CAPN2: variants seen among roughly 807,000 people sequenced by gnomAD.
CAPN2 encodes calpain 2.
Under a neutral mutation model 102.3 loss-of-function variants are expected in CAPN2, and 92 were observed. The ratio of observed to expected loss-of-function variants is 0.90; its 90% CI spans 0.76 to 1.07. The LOEUF (loss-of-function observed/expected upper bound fraction) is 1.07, where lower values mean the gene tolerates loss of function less well. Ranked by LOEUF, CAPN2 falls within the 50% of genes least tolerant of loss-of-function variation. The pLI, the probability that CAPN2 is intolerant of heterozygous loss-of-function variation, is 0.00. For missense variants in CAPN2, 800 were observed against 909.4 expected (o/e 0.88, Z 1.55); for synonymous variants, 340 against 355.4 (o/e 0.96, Z 0.49).
intron 6 of CAPN2, 65 bp from the exon 7 acceptor site, chr1:223,750,825 C>T: frequency 6.8e-7 from 1 of 1,466,380 alleles, no homozygotes; most frequent in Non-Finnish European, 9.3e-7. Context: ...GGGTTGGAGG[C>T]CCAAGCCTTC....
chr1:223,759,259 T>G lies in CAPN2; in HGVS notation c.1318-11T>G, dbSNP rs1304781874. The stretch of plus-strand genomic sequence containing the variant: ...CTCATCTACCCCCATGTTTCTCTAT[T>G]TATTCCTCAGTTAAGTGGGCAGACC... On this transcript the variant is annotated splice_polypyrimidine_tract_variant and intron_variant, in intron 11 of 20. Transcript: ENST00000295006. This position sits in a 1 kb window ranked among gnomAD's most constrained non-coding sequence, Gnocchi z 4.6. The G allele has an allele frequency of 5.0e-6, 8 of 1,612,408 alleles. No homozygotes were observed. Among genetic ancestry groups the G allele is most frequent in the Non-Finnish European group, 6.8e-6 (8 of 1,178,560 alleles).
chr1:223,748,856 T>C (rs780854425), intron 5 of CAPN2, among the ~76,000 whole-genome samples, 183 bp from the exon 6 acceptor site: 7 of 152,196 alleles, frequency 4.6e-5, no homozygotes, highest in Non-Finnish European at 1.0e-4. Flanking sequence ...GTTCAAGCAT[T>C]TGAACGGGGT....
chr1:223,759,494 G>T lies in CAPN2; in HGVS notation c.1529+13G>T. 1 of 1,611,392 alleles carries T rather than the reference G, an allele frequency of 6.2e-7. No individual in the cohort carries two copies. The highest frequency in any genetic ancestry group is 8.5e-7 in the Non-Finnish European group (1 of 1,178,180). On this transcript the variant is annotated intron_variant, in intron 12 of 20. Coordinates refer to ENST00000295006, the MANE Select transcript of CAPN2 (RefSeq NM_001748.5). The surrounding 1 kb of genome is among the most constrained non-coding windows in gnomAD (Gnocchi z 4.6). Reference sequence around the variant, plus strand: ...AAGCTGACTACCAGTAGGCGGTTTGGTCCCTTCCTCTCCCCACCCTTCCCT... The same window carrying T: ...AAGCTGACTACCAGTAGGCGGTTTGTTCCCTTCCTCTCCCCACCCTTCCCT...
At chr1:223,733,977 GGGTCCCAACTGCAGACTC>G (rs201646167) in intron 2 of CAPN2, among the ~76,000 whole-genome samples, 3,653 of 151,616 alleles carry the variant, frequency 0.024, 145 homozygotes, top group African/African-American at 0.084. Flanking sequence ...ACTGCAGACT[GGGTCCCAACTGCAGACTC>G]GGTCCCAACT....
intron 12 of CAPN2, among the ~76,000 whole-genome samples, chr1:223,760,131 G>T (rs1273894257): frequency 6.6e-6 from 1 of 152,232 alleles, no homozygotes; most frequent in Non-Finnish European, 1.5e-5. Flanking sequence ...TACCCTGGGT[G>T]ATTTAAGCTA....
At chr1:223,766,161 C>A (rs537629543) in intron 15 of CAPN2, among the ~76,000 whole-genome samples, 3 of 152,322 alleles carry the variant, frequency 2.0e-5, no homozygotes, top group South Asian at 2.1e-4. Context: ...TTGCCCACGG[C>A]AAATATACAG....
chr1:223,757,400 C>T lies in CAPN2; in HGVS notation c.1317+20C>T, dbSNP rs1002929962. On this transcript the variant is annotated intron_variant, in intron 11 of 20. Transcript: ENST00000295006. Reference sequence around the variant, plus strand: ...GAGGAGGTACGTCTGGCCCATGTCCCGGGGTGCTCAGGTCACCAAAAAAGC... The same window carrying T: ...GAGGAGGTACGTCTGGCCCATGTCCTGGGGTGCTCAGGTCACCAAAAAAGC... 5.0e-6 allele frequency: 8 copies of T among 1,613,906 alleles called. No individual in the cohort carries two copies. Among genetic ancestry groups the T allele is most frequent in the African/African-American group, 1.3e-5 (1 of 74,888 alleles).
chr1:223,724,105 C>T (rs1210416934), intron 2 of CAPN2, among the ~76,000 whole-genome samples: 1 of 152,172 alleles, frequency 6.6e-6, no homozygotes, highest in East Asian at 1.9e-4. Flanking sequence ...TGCCCCACTA[C>T]TTCTGACATT....
At chr1:223,761,331 T>A (rs1461304006) in intron 12 of CAPN2, among the ~76,000 whole-genome samples, 1 of 152,212 alleles carries the variant, frequency 6.6e-6, no homozygotes, top group Non-Finnish European at 1.5e-5. Flanking sequence ...GTTTAGGGGA[T>A]GTGTTATCAC....
rs372699410 is a variant in CAPN2, at chr1:223,774,888, A to G, written c.*31A>G. 2.5e-6 allele frequency: 4 copies of G among 1,598,460 alleles called. No individual in the cohort carries two copies. In the African/African-American group the frequency reaches 4.0e-5, roughly 16 times the overall value. Reference sequence around the variant, plus strand: ...TAACTAATCTGCCTGAAGACTTCTCATGATGGAAAATCAGCCAAGGACTAA... The same window carrying G: ...TAACTAATCTGCCTGAAGACTTCTCGTGATGGAAAATCAGCCAAGGACTAA... On this transcript the variant is annotated 3_prime_UTR_variant, in exon 21 of 21. Transcript: ENST00000295006.
chr1:223,757,234 AACAGTT>A (rs1364893048), intron 10 of CAPN2, 129 bp from the exon 11 acceptor site: 5 of 984,222 alleles, frequency 5.1e-6, no homozygotes. Context: ...TTCCTTGGAA[AACAGTT>A]ACTCGGTTGA....
At position 223,749,044 on chromosome 1, in the gene CAPN2, C is replaced by T; in HGVS notation, c.735C>T (p.Thr245=). The T allele has an allele frequency of 6.2e-7, 1 of 1,613,956 alleles. No homozygotes were observed. Among genetic ancestry groups the T allele is most frequent in the Non-Finnish European group, 8.5e-7 (1 of 1,179,828 alleles). ...GACGGTTGCTGTGTTTGCAGATCAC[C>T]AGCGCCGCGGACTCGGAGGCCATCA... ...GSLLGCSIDI[T]SAADSEAITF... is the part of the protein sequence containing the mutation. Residue 245 remains threonine, a synonymous_variant, in exon 6 of 21, where the codon ACC becomes ACT. Coordinates refer to ENST00000295006, the MANE Select transcript of CAPN2 (RefSeq NM_001748.5).
At chr1:223,729,773 C>T (rs1349889611) in intron 2 of CAPN2, among the ~76,000 whole-genome samples, 1 of 152,030 alleles carries the variant, frequency 6.6e-6, no homozygotes, top group Admixed American at 6.6e-5. Flanking sequence ...GAGGCCAAGG[C>T]GGGTGGATCA....
intron 6 of CAPN2, 83 bp from the exon 7 acceptor site, chr1:223,750,807 G>T: frequency 7.7e-7 from 1 of 1,299,088 alleles, no homozygotes; most frequent in Non-Finnish European, 1.1e-6. Context: ...CCTGGCTCAT[G>T]CGGAAGGGGG....
chr1:223,769,749 A>G, intron 16 of CAPN2, 92 bp from the exon 17 acceptor site: 1 of 910,398 alleles, frequency 1.1e-6, no homozygotes, highest in African/African-American at 1.6e-5. Context: ...TGTATATGCT[A>G]TGATATTCAA....
intron 15 of CAPN2, among the ~76,000 whole-genome samples, 192 bp from the exon 16 acceptor site, chr1:223,766,175 C>T (rs1455771610): frequency 1.3e-5 from 2 of 152,198 alleles, no homozygotes; most frequent in African/African-American, 4.8e-5. Flanking sequence ...TATACAGAGA[C>T]ATCAGGACAA....
intron 2 of CAPN2, among the ~76,000 whole-genome samples, chr1:223,718,343 A>G (rs1659937843): frequency 6.6e-6 from 1 of 152,240 alleles, no homozygotes; most frequent in Non-Finnish European, 1.5e-5. Context: ...TTTGCAAGAC[A>G]AGCTCACCAT....
At chr1:223,711,252 A>G (rs556172735), upstream of CAPN2, among the ~76,000 whole-genome samples, 59 of 152,074 alleles carry the variant, frequency 3.9e-4, no homozygotes, top group African/African-American at 1.4e-3. Context: ...TTCCAGTGAA[A>G]CCCAAATTCT....
chr1:223,758,933 A>G (rs28370111), intron 11 of CAPN2: 185 of 336,106 alleles, frequency 5.5e-4, no homozygotes, highest in African/African-American at 3.7e-3. Flanking sequence ...GCCTCGAGCA[A>G]TCCTCTCACA....
Sources: gnomAD v4.1 joint callset for allele counts (sites outside exome capture counted in the v4.1 genomes callset) on GRCh38, gnomAD v4.1.1 for gene constraint, Gnocchi (gnomAD v3.1) non-coding constraint, MANE v1.5 for transcripts, NCBI Gene and HGNC (gene_info 2026-07-23, HGNC 2026-07-21) for gene names.